The following KIF13A variants were observed in gnomAD, a reference collection of about 807,000 sequenced individuals.
KIF13A encodes the protein kinesin family member 13A.
In KIF13A, 79 loss-of-function variants were observed where a neutral mutation model predicts 212.2. The observed-to-expected ratio is 0.37, with a 90% CI of 0.31 to 0.45. The LOEUF (loss-of-function observed/expected upper bound fraction) is 0.45. KIF13A is among the 20% of genes least tolerant of loss of function. KIF13A has a pLI of 1.00. For missense variants in KIF13A, 1,901 were observed against 2,209.0 expected (o/e 0.86, Z 2.79); for synonymous variants, 789 against 808.6 (o/e 0.98, Z 0.41).
Position 17,825,740 on chromosome 6 carries a change from G to A in KIF13A, c.1786+28C>T, listed in dbSNP as rs1764910471. ...GGTGTGAGGTGAGGAAATGCCCAAG[G>A]CGCTGGAACACAGAGTGAGGGTCTT... On this transcript the variant is annotated intron_variant, in intron 16 of 38. Transcript: ENST00000259711. The surrounding 1 kb of genome is among the most constrained non-coding windows in gnomAD (Gnocchi z 4.5). 6.3e-7 allele frequency: 1 copy of A among 1,599,494 alleles called. No homozygotes were observed. The highest frequency in any genetic ancestry group is 1.3e-5 in the African/African-American group (1 of 74,364).
intron 4 of KIF13A, among the ~76,000 whole-genome samples, chr6:17,870,928 A>T (rs1257545926): frequency 1.3e-5 from 2 of 152,216 alleles, no homozygotes; most frequent in Non-Finnish European, 2.9e-5. Context: ...GCAACCACAT[A>T]GCATAGGTAT....
rs924846262 is a variant in KIF13A at position 17,856,507 on chromosome 6, A to G, written c.221-385T>C. 1.6e-4 allele frequency among the ~76,000 whole-genome samples: 24 copies of G among 152,224 alleles called. No individual in the cohort carries two copies. The highest frequency in any genetic ancestry group is 5.8e-4 in the African/African-American group (24 of 41,456). ...AACTGCCACTGAACAAGACCATGTT[A>G]TACACACCTTGGTATCTCCCTCAGC... On this transcript the variant is annotated intron_variant, in intron 4 of 38. Transcript: ENST00000259711. The surrounding 1 kb of genome is among the most constrained non-coding windows in gnomAD (Gnocchi z 4.5).
intron 12 of KIF13A, among the ~76,000 whole-genome samples, 161 bp downstream of exon 12, chr6:17,833,800 G>C (rs1231756024): frequency 7.1e-6 from 1 of 141,300 alleles, no homozygotes; most frequent in African/African-American, 2.6e-5. Flanking sequence ...AGGTTGCAGT[G>C]AGTCGAGATC....
chr6:17,983,172 C>CA (rs530156481), intron 2 of KIF13A, among the ~76,000 whole-genome samples: 24,460 of 76,148 alleles, frequency 0.32, 3,036 homozygotes, highest in African/African-American at 0.42. Flanking sequence ...GACTCCATCT[C>CA]AAAAAAAAAA....
chr6:17,950,371 AAAG>A (rs1777745837), intron 2 of KIF13A: 1 of 954,676 alleles, frequency 1.0e-6, no homozygotes, highest in African/African-American at 1.8e-5. Flanking sequence ...GGTTAGAGGA[AAAG>A]AAGATTAAAA....
At position 17,795,010 on chromosome 6, in the gene KIF13A, A is replaced by G. The variant is rs192011384; in HGVS notation, c.2943-306T>C. On this transcript the variant is annotated intron_variant, in intron 23 of 38. Transcript: ENST00000259711. Reference sequence around the variant, plus strand: ...GTTTGCTCATATGCATTCCCATTCAATCCCCACATTCCCGTAGCAACTGTG... The same window carrying G: ...GTTTGCTCATATGCATTCCCATTCAGTCCCCACATTCCCGTAGCAACTGTG... The G allele has an allele frequency of 9.8e-4, 260 of 265,694 alleles. 1 individual carries two copies. Among genetic ancestry groups the G allele is most frequent in the African/African-American group, 5.3e-3 (240 of 45,446 alleles). 16.5% of individuals were successfully genotyped at this position (265,694 alleles called of 1,614,324 possible).
intron 2 of KIF13A, among the ~76,000 whole-genome samples, chr6:17,986,057 C>G (rs1328278937): frequency 6.6e-6 from 1 of 152,210 alleles, no homozygotes; most frequent in Non-Finnish European, 1.5e-5. Context: ...AATAATGTCA[C>G]AAACCCTGCT....
In KIF13A at chr6:17,825,638, A is replaced by T; in HGVS notation, c.1786+130T>A. On this transcript the variant is annotated intron_variant, in intron 16 of 38. Coordinates refer to ENST00000259711, the MANE Select transcript of KIF13A (RefSeq NM_022113.6). This position sits in a 1 kb window ranked among gnomAD's most constrained non-coding sequence, Gnocchi z 4.5. ...ATTAGTTATTCACTGATGGCCTTTT[A>T]AAGAAATGAGCAGTTTTATGTGTTT... The T allele has an allele frequency of 1.2e-6, 1 of 809,362 alleles. No individual in the cohort carries two copies. The highest frequency in any genetic ancestry group is 1.9e-6 in the Non-Finnish European group (1 of 514,454). The allele number at this position is 809,362 out of a possible 1,614,324, so 50.1% of individuals were successfully genotyped here. A position where few individuals can be genotyped will look rare whatever the true frequency, so the allele number is the denominator to read the frequency against.
At chr6:17,952,289 G>A (rs1465931977) in intron 2 of KIF13A, among the ~76,000 whole-genome samples, 29 of 137,026 alleles carry the variant, frequency 2.1e-4, no homozygotes, top group Admixed American at 6.9e-4. Flanking sequence ...GGGTGACAGA[G>A]CGAGACTCCG....
chr6:17,950,028 C>T (rs965013050), intron 2 of KIF13A, among the ~76,000 whole-genome samples: 4 of 152,128 alleles, frequency 2.6e-5, no homozygotes, highest in African/African-American at 9.7e-5. Flanking sequence ...TTATTAATTA[C>T]AACCAATTTA....
At chr6:17,972,991 G>C (rs940191423) in intron 2 of KIF13A, among the ~76,000 whole-genome samples, 9 of 152,144 alleles carry the variant, frequency 5.9e-5, no homozygotes, top group African/African-American at 2.2e-4. Context: ...CTTTGCTTTT[G>C]AAAGAAAGGG....
At chr6:17,979,104 C>T (rs1353093358) in intron 2 of KIF13A, among the ~76,000 whole-genome samples, 2 of 152,254 alleles carry the variant, frequency 1.3e-5, no homozygotes, top group South Asian at 2.1e-4. Context: ...AACAGCCTGA[C>T]CAATGCAGCG....
rs756380909 is a variant in KIF13A at position 17,918,963 on chromosome 6, A to G, written c.147-20783T>C. On this transcript the variant is annotated intron_variant, in intron 2 of 38. Coordinates refer to ENST00000259711, the MANE Select transcript of KIF13A (RefSeq NM_022113.6). The surrounding 1 kb of genome is among the most constrained non-coding windows in gnomAD (Gnocchi z 4.8). Reference sequence around the variant, plus strand: ...ATCCACGGAAAGAGAGGCTTTGTCTATCTTGTTCTCTGATACATTCCCAGT... The same window carrying G: ...ATCCACGGAAAGAGAGGCTTTGTCTGTCTTGTTCTCTGATACATTCCCAGT... Among the ~76,000 whole-genome samples the G allele has an allele frequency of 6.6e-5, 10 of 152,156 alleles. No homozygotes were observed. Among genetic ancestry groups the G allele is most frequent in the South Asian group, 2.1e-4 (1 of 4,826 alleles).
intron 25 of KIF13A, among the ~76,000 whole-genome samples, chr6:17,791,485 C>T (rs1761550087): frequency 6.6e-6 from 1 of 151,360 alleles, no homozygotes; most frequent in Admixed American, 6.6e-5. Context: ...AAAATAGTTA[C>T]AGTCCAAATT....
chr6:17,863,052 G>A (rs191489540), intron 4 of KIF13A, among the ~76,000 whole-genome samples: 160 of 152,304 alleles, frequency 1.1e-3, no homozygotes, highest in African/African-American at 3.6e-3. Context: ...AGCCACGATC[G>A]TGCCACTGCA....
rs941238128 is a variant in KIF13A at position 17,947,637 on chromosome 6, G to A, written c.146+39417C>T. Among the ~76,000 whole-genome samples, 10 of 152,086 alleles carry A rather than the reference G, an allele frequency of 6.6e-5. No individual in the cohort carries two copies. In the East Asian group the frequency reaches 9.7e-4, roughly 15 times the overall value. On this transcript the variant is annotated intron_variant, in intron 2 of 38. Coordinates refer to ENST00000259711, the MANE Select transcript of KIF13A (RefSeq NM_022113.6). This position sits in a 1 kb window ranked among gnomAD's most constrained non-coding sequence, Gnocchi z 4.6. Reference sequence around the variant, plus strand: ...TGAGGTCAGGAGTTTGAGACCAGCCGACCAGCCTGGGCAACACGGTGAAAC... The same window carrying A: ...TGAGGTCAGGAGTTTGAGACCAGCCAACCAGCCTGGGCAACACGGTGAAAC...
intron 25 of KIF13A, among the ~76,000 whole-genome samples, chr6:17,790,763 G>A (rs978392723): frequency 8.5e-5 from 13 of 152,096 alleles, no homozygotes; most frequent in African/African-American, 2.4e-4. Context: ...GCAACCTCAG[G>A]CTATATACAT....
chr6:17,819,688 C>T (rs1018902282), intron 16 of KIF13A, among the ~76,000 whole-genome samples: 1 of 152,030 alleles, frequency 6.6e-6, no homozygotes, highest in African/African-American at 2.4e-5. Flanking sequence ...CCTATGTATT[C>T]CTAAGCATCA....
Position 17,987,240 on chromosome 6 carries a change from G to A in KIF13A, c.56-96C>T. On this transcript the variant is annotated intron_variant, in intron 1 of 38. Transcript: ENST00000259711. The surrounding 1 kb of genome is among the most constrained non-coding windows in gnomAD (Gnocchi z 7.7). Reference sequence around the variant, plus strand: ...CGCCGAGCGGGGCTCCGTCCCTGGAGGCGGCCGAGCCTGGAGACGGCGCCC... The same window carrying A: ...CGCCGAGCGGGGCTCCGTCCCTGGAAGCGGCCGAGCCTGGAGACGGCGCCC... The A allele has an allele frequency of 9.1e-7, 1 of 1,100,132 alleles. No homozygotes were observed. Among genetic ancestry groups the A allele is most frequent in the Non-Finnish European group, 1.2e-6 (1 of 809,280 alleles). 68.1% of individuals were successfully genotyped at this position (1,100,132 alleles called of 1,614,324 possible).
Sources: gnomAD v4.1 joint callset for allele counts (sites outside exome capture counted in the v4.1 genomes callset) on GRCh38, gnomAD v4.1.1 for gene constraint, Gnocchi (gnomAD v3.1) non-coding constraint, MANE v1.5 for transcripts, NCBI Gene and HGNC (gene_info 2026-07-23, HGNC 2026-07-21) for gene names.